The following SPAG16 variants were observed in gnomAD, a reference collection of about 807,000 sequenced individuals.
The protein encoded by SPAG16 is sperm associated antigen 16.
In SPAG16, 86 loss-of-function variants were observed where a neutral mutation model predicts 80.4. The observed-to-expected ratio is 1.07, with a 90% CI of 0.90 to 1.28. SPAG16 has a LOEUF of 1.28. SPAG16 is among the 50% of genes most tolerant of loss of function. The pLI is 0.00. For missense variants in SPAG16, 870 were observed against 765.3 expected (o/e 1.14, Z -1.61); for synonymous variants, 294 against 265.9 (o/e 1.11, Z -1.03).
At chr2:213,423,359 A>T (rs1322350115) in intron 9 of SPAG16, among the ~76,000 whole-genome samples, 1 of 152,206 alleles carries the variant, frequency 6.6e-6, no homozygotes, top group Admixed American at 6.5e-5. Flanking sequence ...TGTAATTAAG[A>T]AATATTTTTA....
chr2:213,865,649 AC>A, intron 11 of SPAG16, among the ~76,000 whole-genome samples: 1 of 149,008 alleles, frequency 6.7e-6, no homozygotes, highest in South Asian at 2.1e-4. Context: ...TATGTTATAT[AC>A]CTATGAAAAC....
chr2:214,253,749 C>T (rs1257850159), intron 15 of SPAG16, among the ~76,000 whole-genome samples: 4 of 152,108 alleles, frequency 2.6e-5, no homozygotes, highest in Admixed American at 2.0e-4. Flanking sequence ...ATGCCTCCAG[C>T]TTTGTTCTTT....
At chr2:214,109,352 A>G (rs916890644) in intron 14 of SPAG16, among the ~76,000 whole-genome samples, 4 of 152,186 alleles carry the variant, frequency 2.6e-5, no homozygotes, top group African/African-American at 7.2e-5. Context: ...TTGACTACAT[A>G]GATGACCTCT....
chr2:213,845,782 G>A (rs2074593329), intron 10 of SPAG16, among the ~76,000 whole-genome samples: 1 of 152,174 alleles, frequency 6.6e-6, no homozygotes, highest in Non-Finnish European at 1.5e-5. Flanking sequence ...GTTTGTAGCT[G>A]GGCTCAACTG....
intron 12 of SPAG16, among the ~76,000 whole-genome samples, chr2:213,933,488 T>C (rs2078858948): frequency 6.6e-6 from 1 of 152,236 alleles, no homozygotes; most frequent in Admixed American, 6.5e-5. Context: ...GACTGAGCAG[T>C]TATATCACAC....
intron 10 of SPAG16, among the ~76,000 whole-genome samples, chr2:213,841,209 A>T (rs2074349195): frequency 6.6e-6 from 1 of 152,196 alleles, no homozygotes; most frequent in East Asian, 1.9e-4. Context: ...ACCCCTAAAA[A>T]AATAGTCATG....
chr2:213,525,230 TGA>T (rs2075841978), intron 10 of SPAG16, among the ~76,000 whole-genome samples: 1 of 151,890 alleles, frequency 6.6e-6, no homozygotes, highest in Non-Finnish European at 1.5e-5. Flanking sequence ...GTAAGTTTCC[TGA>T]GGCCTCCCCA....
At chr2:214,386,207 T>G (rs1016348850) in intron 15 of SPAG16, among the ~76,000 whole-genome samples, 2 of 151,432 alleles carry the variant, frequency 1.3e-5, no homozygotes, top group Admixed American at 6.6e-5. Context: ...AAACCCCATA[T>G]CTACAAAAAA....
intron 10 of SPAG16, among the ~76,000 whole-genome samples, chr2:213,753,695 A>G (rs996684826): frequency 6.6e-6 from 1 of 152,204 alleles, no homozygotes; most frequent in African/African-American, 2.4e-5. Flanking sequence ...AGTATAGTCA[A>G]CACTGTACAG....
chr2:213,910,967 T>C (rs1406971842), intron 11 of SPAG16, among the ~76,000 whole-genome samples: 1 of 152,196 alleles, frequency 6.6e-6, no homozygotes, highest in Admixed American at 6.5e-5. Flanking sequence ...CAACCAAGTC[T>C]TCTTGCTTCT....
intron 9 of SPAG16, among the ~76,000 whole-genome samples, chr2:213,384,809 TA>T (rs1425981578): frequency 1.3e-5 from 2 of 152,194 alleles, no homozygotes; most frequent in African/African-American, 2.4e-5. Flanking sequence ...GATTGAACAT[TA>T]CCACTGTTGG....
At chr2:214,135,602 G>T (rs929715282) in intron 14 of SPAG16, among the ~76,000 whole-genome samples, 1 of 152,124 alleles carries the variant, frequency 6.6e-6, no homozygotes, top group Non-Finnish European at 1.5e-5. Context: ...AATCTCTCAT[G>T]AATAGATTAA....
chr2:213,396,676 A>G (rs1286812346), intron 9 of SPAG16: 2 of 456,310 alleles, frequency 4.4e-6, no homozygotes, highest in South Asian at 3.1e-5. Flanking sequence ...AACAGTGCAC[A>G]CCAGCACATC....
At chr2:213,760,012 G>A (rs1451022522) in intron 10 of SPAG16, among the ~76,000 whole-genome samples, 1 of 151,870 alleles carries the variant, frequency 6.6e-6, no homozygotes, top group South Asian at 2.1e-4. Flanking sequence ...TCCATCCTGG[G>A]TGACAAAGCA....
chr2:213,509,304 A>T (rs1172513671), intron 10 of SPAG16, among the ~76,000 whole-genome samples: 2 of 152,166 alleles, frequency 1.3e-5, no homozygotes, highest in Non-Finnish European at 2.9e-5. Flanking sequence ...CTATTTCCAG[A>T]TAGAGTAGAC....
chr2:213,608,147 C>T (rs1448951460), intron 10 of SPAG16, among the ~76,000 whole-genome samples: 1 of 151,960 alleles, frequency 6.6e-6, no homozygotes, highest in Non-Finnish European at 1.5e-5. Context: ...TGTTCACAAC[C>T]ATGATAGATA....
At chr2:214,176,753 T>A (rs2125652564) in intron 15 of SPAG16, among the ~76,000 whole-genome samples, 1 of 151,258 alleles carries the variant, frequency 6.6e-6, no homozygotes, top group Admixed American at 6.6e-5. Context: ...CATGTATGCT[T>A]ACTCTAGAGC....
intron 13 of SPAG16, among the ~76,000 whole-genome samples, chr2:214,020,741 A>G (rs2047821792): frequency 6.6e-6 from 1 of 152,174 alleles, no homozygotes; most frequent in Non-Finnish European, 1.5e-5. Flanking sequence ...TTTTGTTAAA[A>G]TTTTGTTAGG....
chr2:213,665,895 A>C (rs1434705698), intron 10 of SPAG16, among the ~76,000 whole-genome samples: 3 of 152,052 alleles, frequency 2.0e-5, no homozygotes, highest in Non-Finnish European at 4.4e-5. Context: ...AAATAGAGAA[A>C]TCACCAGCAG....
Sources: gnomAD v4.1 joint callset for allele counts (sites outside exome capture counted in the v4.1 genomes callset) on GRCh38, gnomAD v4.1.1 for gene constraint, MANE v1.5 for transcripts, NCBI Gene and HGNC (gene_info 2026-07-23, HGNC 2026-07-21) for gene names.